AP2M1: variants seen among roughly 807,000 people sequenced by gnomAD.
AP2M1 encodes the protein adaptor related protein complex 2 subunit mu 1, also known as AP-2 complex subunit mu.
Under a neutral mutation model 54.5 loss-of-function variants are expected in AP2M1, and 5 were observed. The ratio of observed to expected loss-of-function variants is 0.09; its 90% CI spans 0.05 to 0.19. AP2M1 has a LOEUF of 0.19. Among genes scored for constraint, AP2M1 ranks in the 10% least tolerant of loss-of-function variants. The pLI, the probability that AP2M1 is intolerant of heterozygous loss-of-function variation, is 1.00. For synonymous variants in AP2M1, 186 were observed against 208.2 expected, an observed-to-expected ratio of 0.89 and a Z score of 0.92; for missense variants, 178 against 580.2, an observed-to-expected ratio of 0.31 and a Z score of 7.12.
intron 2 of AP2M1, chr3:184,177,760 G>C: frequency 1.4e-6 from 1 of 731,446 alleles, no homozygotes; most frequent in Non-Finnish European, 2.2e-6. Context: ...TGTTCTTTGC[G>C]ACTGAAGGGA....
At chr3:184,179,255 G>A in intron 3 of AP2M1, 133 bp downstream of exon 3, 1 of 1,190,640 alleles carries the variant, frequency 8.4e-7, no homozygotes, top group Admixed American at 2.4e-5. Context: ...TGGTCTCTTG[G>A]GCTAGGATCT....
Position 184,179,238 on chromosome 3 carries a change from G to C in AP2M1, c.340+116G>C, listed in dbSNP as rs1715189954. 8 of 1,341,386 alleles carry C rather than the reference G, an allele frequency of 6.0e-6. No homozygotes were observed. In the East Asian group the frequency reaches 1.9e-4, roughly 31 times the overall value. The allele number at this position is 1,341,386 out of a possible 1,614,324, so 83.1% of individuals were successfully genotyped here. A position where few individuals can be genotyped will look rare whatever the true frequency, so the allele number is the denominator to read the frequency against. On this transcript the variant is annotated intron_variant, in intron 3 of 11. Transcript: ENST00000292807. Reference sequence around the variant, plus strand: ...TGGTACACTCTGAACTTTCTTTCCTGAGTATTTGGTCTCTTGGGCTAGGAT... The same window carrying C: ...TGGTACACTCTGAACTTTCTTTCCTCAGTATTTGGTCTCTTGGGCTAGGAT...
intron 1 of AP2M1, 93 bp downstream of exon 1, chr3:184,175,052 C>G: frequency 2.5e-6 from 1 of 397,620 alleles, no homozygotes. Flanking sequence ...ACTGAGCTGG[C>G]GGAAAGCTGC....
intron 1 of AP2M1, among the ~76,000 whole-genome samples, chr3:184,176,609 C>T (rs1715081071): frequency 1.3e-5 from 2 of 150,922 alleles, no homozygotes; most frequent in Non-Finnish European, 2.9e-5. Context: ...GAGTCACTGG[C>T]GGGAGCCCGA....
rs1715319435 is a variant in AP2M1 at position 184,182,887 on chromosome 3, C to T, written c.1173+19C>T. 4 of 1,602,044 alleles carry T rather than the reference C, an allele frequency of 2.5e-6. No individual in the cohort carries two copies. In the African/African-American group the frequency reaches 5.4e-5, roughly 21 times the overall value. On this transcript the variant is annotated intron_variant, in intron 11 of 11. Coordinates refer to ENST00000292807, the MANE Select transcript of AP2M1 (RefSeq NM_004068.4). This position sits in a 1 kb window ranked among gnomAD's most constrained non-coding sequence, Gnocchi z 5.5. ...CTTTGAGGTATGGCAGAGGAGGGGC[C>T]TAGAGTCATGCCAGGGTATGCTGGA... is the stretch of plus-strand genomic sequence containing the variant.
Position 184,178,270 on chromosome 3 carries a change from C to G in AP2M1, c.75-587C>G, listed in dbSNP as rs1210825158. 3 of 1,529,134 alleles carry G rather than the reference C, an allele frequency of 2.0e-6. No individual in the cohort carries two copies. In the East Asian group the frequency reaches 7.3e-5, roughly 37 times the overall value. The allele number at this position is 1,529,134 out of a possible 1,614,324, so 94.7% of individuals were successfully genotyped here. ...TGCCCAGGTACAGGTGGGTGGGGGCCTGCCCCCATCGTTTTCCTGCATCCT... is the reference window on the plus strand; with the variant it reads ...TGCCCAGGTACAGGTGGGTGGGGGCGTGCCCCCATCGTTTTCCTGCATCCT... On this transcript the variant is annotated intron_variant, in intron 2 of 11. Transcript: ENST00000292807. The surrounding 1 kb of genome is among the most constrained non-coding windows in gnomAD (Gnocchi z 4.9).
intron 2 of AP2M1, 78 bp downstream of exon 2, chr3:184,177,145 C>T (rs1430970659): frequency 2.4e-5 from 35 of 1,447,674 alleles, no homozygotes; most frequent in Non-Finnish European, 3.3e-5. Flanking sequence ...GGTCTTTTCC[C>T]ACCATTGGCT....
At position 184,178,097 on chromosome 3, in the gene AP2M1, C is replaced by T; in HGVS notation, c.75-760C>T. The T allele has an allele frequency of 8.0e-7, 1 of 1,253,870 alleles. No individual in the cohort carries two copies. The highest frequency in any genetic ancestry group is 1.1e-6 in the Non-Finnish European group (1 of 893,248). 77.7% of individuals were successfully genotyped at this position (1,253,870 alleles called of 1,614,324 possible). On this transcript the variant is annotated intron_variant, in intron 2 of 11. Transcript: ENST00000292807. This position sits in a 1 kb window ranked among gnomAD's most constrained non-coding sequence, Gnocchi z 4.9. Reference sequence around the variant, plus strand: ...GCCGCCTTGCCTGTCTTGTCTGCTTCTGCCTCACGGTGTGTGCCGCCCTCC... The same window carrying T: ...GCCGCCTTGCCTGTCTTGTCTGCTTTTGCCTCACGGTGTGTGCCGCCCTCC...
chr3:184,181,974 G>A lies in AP2M1; in HGVS notation c.890G>A (p.Gly297Glu), dbSNP rs374946932. 1 of 1,614,080 alleles carries A rather than the reference G, an allele frequency of 6.2e-7. No homozygotes were observed. The highest frequency in any genetic ancestry group is 1.3e-5 in the African/African-American group (1 of 74,928). Residue 297 changes from glycine (G) to glutamate (E), a missense_variant, in exon 9 of 12, where the codon GGA becomes GAA. Physicochemically the swap from Gly to Glu is moderately conservative, Grantham distance 98. This residue lies in a region of AP2M1 where 59 missense variants were observed against 176.8 expected (regional missense o/e 0.33). Transcript: ENST00000292807. The surrounding 1 kb of genome is among the most constrained non-coding windows in gnomAD (Gnocchi z 5.7). ...FRVIPLVREV[G>E]RTKLEVKVVI... ...GTGATCCCGCTAGTGCGAGAAGTGG[G>A]ACGCACCAAACTGGAGGTCAAGGTG...
chr3:184,180,163 T>C lies in AP2M1; in HGVS notation c.341-6T>C. The C allele has an allele frequency of 6.2e-7, 1 of 1,614,196 alleles. No homozygotes were observed. Among genetic ancestry groups the C allele is most frequent in the Non-Finnish European group, 8.5e-7 (1 of 1,180,008 alleles). On this transcript the variant is annotated splice_polypyrimidine_tract_variant and splice_region_variant and intron_variant, in intron 3 of 11. Coordinates refer to ENST00000292807, the MANE Select transcript of AP2M1 (RefSeq NM_004068.4). The surrounding 1 kb of genome is among the most constrained non-coding windows in gnomAD (Gnocchi z 4.9). ...CCAGGGGCTGATGGTTCCCTTCTTT[T>C]TGCAGAGATTCTAGACTTTGGCTAC...
intron 2 of AP2M1, among the ~76,000 whole-genome samples, 174 bp downstream of exon 2, chr3:184,177,241 C>T (rs760460731): frequency 2.0e-5 from 3 of 152,218 alleles, no homozygotes; most frequent in African/African-American, 4.8e-5. Flanking sequence ...GGTATTGGCC[C>T]GGCAGCCAGC....
At chr3:184,177,578 C>G in intron 2 of AP2M1, 1 of 1,536,114 alleles carries the variant, frequency 6.5e-7, no homozygotes, top group Non-Finnish European at 8.7e-7. Flanking sequence ...GTCTTCAGTT[C>G]CTCTGGCCCA....
At chr3:184,179,181 C>A in intron 3 of AP2M1, 59 bp downstream of exon 3, 2 of 1,589,972 alleles carry the variant, frequency 1.3e-6, no homozygotes, top group Non-Finnish European at 1.7e-6. Flanking sequence ...CAGGCTGGGC[C>A]TGGCCTGAAG....
Position 184,183,523 on chromosome 3 carries a change from G to C in AP2M1, c.1215G>C (p.Lys405Asn). 1 of 1,614,058 alleles carries C rather than the reference G, an allele frequency of 6.2e-7. No individual in the cohort carries two copies. The highest frequency in any genetic ancestry group is 8.5e-7 in the Non-Finnish European group (1 of 1,179,912). ...APSGLKVRYL[K>N]VFEPKLNYSD... is the part of the protein sequence containing the mutation. ...CTGGCCTCAAGGTGCGCTACTTGAAGGTGTTTGAACCGAAGCTGAACTACA... is the reference window on the plus strand; with the variant it reads ...CTGGCCTCAAGGTGCGCTACTTGAACGTGTTTGAACCGAAGCTGAACTACA... The change falls in exon 12 of 12, where the codon AAG (lysine) becomes AAC (asparagine). Residue 405 changes from lysine (K) to asparagine (N), a missense_variant. Lys to Asn is a moderately conservative substitution (Grantham distance 94, BLOSUM62 0). Coordinates refer to ENST00000292807, the MANE Select transcript of AP2M1 (RefSeq NM_004068.4). The surrounding 1 kb of genome is among the most constrained non-coding windows in gnomAD (Gnocchi z 5.7).
chr3:184,181,397 A>C lies in AP2M1; in HGVS notation c.707+171A>C. 9.4e-7 allele frequency: 1 copy of C among 1,061,236 alleles called. No individual in the cohort carries two copies. Among genetic ancestry groups the C allele is most frequent in the Non-Finnish European group, 1.4e-6 (1 of 740,274 alleles). The allele number at this position is 1,061,236 out of a possible 1,614,324, so 65.7% of individuals were successfully genotyped here. A position where few individuals can be genotyped will look rare whatever the true frequency, so the allele number is the denominator to read the frequency against. On this transcript the variant is annotated intron_variant, in intron 7 of 11. Coordinates refer to ENST00000292807, the MANE Select transcript of AP2M1 (RefSeq NM_004068.4). The surrounding 1 kb of genome is among the most constrained non-coding windows in gnomAD (Gnocchi z 5.7). ...CATTAGTGCTACGAGAGATGAGGGG[A>C]TCGTCCTCAGAGAGCAAGCCCCTTT...
rs535573704 is a variant in AP2M1 at position 184,178,082 on chromosome 3, C to T, written c.75-775C>T. The T allele has an allele frequency of 8.7e-7, 1 of 1,145,344 alleles. No individual in the cohort carries two copies. The highest frequency in any genetic ancestry group is 2.6e-5 in the East Asian group (1 of 38,986). 70.9% of individuals were successfully genotyped at this position (1,145,344 alleles called of 1,614,324 possible). On this transcript the variant is annotated intron_variant, in intron 2 of 11. Coordinates refer to ENST00000292807, the MANE Select transcript of AP2M1 (RefSeq NM_004068.4). This position sits in a 1 kb window ranked among gnomAD's most constrained non-coding sequence, Gnocchi z 4.9. ...AAGGCCAGGTCACACGCCGCCTTGC[C>T]TGTCTTGTCTGCTTCTGCCTCACGG...
chr3:184,178,185 A>AT lies in AP2M1; in HGVS notation c.75-669dup. 1 of 1,535,200 alleles carries AT rather than the reference A, an allele frequency of 6.5e-7. No homozygotes were observed. The highest frequency in any genetic ancestry group is 8.7e-7 in the Non-Finnish European group (1 of 1,146,140). ...TCACTCTCCTCTTCTTGCTGGCGTC[A>AT]TTTCTCTCATCCCATCTCATTGGCT... On this transcript the variant is annotated intron_variant, in intron 2 of 11. Transcript: ENST00000292807. This position sits in a 1 kb window ranked among gnomAD's most constrained non-coding sequence, Gnocchi z 4.9.
intron 1 of AP2M1, among the ~76,000 whole-genome samples, chr3:184,175,507 GA>G (rs1248711898): frequency 6.6e-6 from 1 of 152,048 alleles, no homozygotes; most frequent in Non-Finnish European, 1.5e-5. Flanking sequence ...CTCTGCACCT[GA>G]ACCCCAAGCA....
At position 184,178,953 on chromosome 3, in the gene AP2M1, C is replaced by T. The variant is rs770792578; in HGVS notation, c.171C>T (p.His57=). ...ACATTGCTCGCACCAGCTTCTTCCA[C>T]GTTAAGCGGTCCAACATTTGGCTGG... The part of the protein sequence containing the change: ...VTNIARTSFF[H]VKRSNIWLAA... Residue 57 remains histidine, a synonymous_variant, in exon 3 of 12, where the codon CAC becomes CAT. Coordinates refer to ENST00000292807, the MANE Select transcript of AP2M1 (RefSeq NM_004068.4). This position sits in a 1 kb window ranked among gnomAD's most constrained non-coding sequence, Gnocchi z 4.9. 6.8e-6 allele frequency: 11 copies of T among 1,614,070 alleles called. No individual in the cohort carries two copies. Among genetic ancestry groups the T allele is most frequent in the African/African-American group, 4.0e-5 (3 of 74,920 alleles).
Sources: allele counts gnomAD v4.1 joint callset (sites outside exome capture counted in the v4.1 genomes callset), GRCh38; gene constraint gnomAD v4.1.1; regional missense constraint gnomAD v4.1.1; non-coding constraint Gnocchi (gnomAD v3.1); transcripts MANE v1.5; gene names NCBI Gene and HGNC (gene_info 2026-07-23, HGNC 2026-07-21).